SLC35F1: variants seen among roughly 807,000 people sequenced by gnomAD.
The protein encoded by SLC35F1 is chromosome 6 open reading frame 169.
SLC35F1 carries 14 observed loss-of-function variants against 48.7 expected under a neutral mutation model. The observed-to-expected ratio is 0.29, with a 90% confidence interval of 0.19 to 0.45. SLC35F1 has a LOEUF of 0.45. SLC35F1 is among the 20% of genes least tolerant of loss of function. The pLI, the probability that SLC35F1 is intolerant of heterozygous loss-of-function variation, is 1.00. For synonymous variants in SLC35F1, 190 were observed against 202.2 expected, an observed-to-expected ratio of 0.94 and a Z score of 0.51; for missense variants, 404 against 500.0, an observed-to-expected ratio of 0.81 and a Z score of 1.83.
intron 1 of SLC35F1, among the ~76,000 whole-genome samples, chr6:118,116,957 TTTA>T (rs1230568110): frequency 6.6e-6 from 1 of 152,338 alleles, no homozygotes; most frequent in Admixed American, 6.5e-5. Flanking sequence ...AACCCTTGGC[TTTA>T]TTATTTCTAG....
intron 7 of SLC35F1, among the ~76,000 whole-genome samples, chr6:118,311,422 T>A (rs1353723801): frequency 6.6e-6 from 1 of 152,204 alleles, no homozygotes. Flanking sequence ...TTAGTAGATG[T>A]CTACATGGTG....
At chr6:118,182,519 A>AGAAGGAAGGAAGGAAGGAGGGAAG (rs1774594573) in intron 2 of SLC35F1, among the ~76,000 whole-genome samples, 1 of 106,310 alleles carries the variant, frequency 9.4e-6, no homozygotes, top group Non-Finnish European at 1.9e-5. Flanking sequence ...AGAGAGAGAG[A>AGAAGGAAGGAAGGAAGGAGGGAAG]GAAGGAAGGA....
At chr6:118,260,701 T>C (rs1256985112) in intron 3 of SLC35F1, among the ~76,000 whole-genome samples, 4 of 152,198 alleles carry the variant, frequency 2.6e-5, no homozygotes, top group Non-Finnish European at 5.9e-5. Flanking sequence ...ACTCAAAACC[T>C]GGGATTTGGT....
chr6:118,204,760 A>G (rs1366386714), intron 2 of SLC35F1, among the ~76,000 whole-genome samples: 4 of 152,188 alleles, frequency 2.6e-5, no homozygotes, highest in Admixed American at 1.3e-4. Context: ...AAGAAACAGT[A>G]TTACCCACTC....
chr6:118,178,161 G>A (rs1774519842), intron 2 of SLC35F1, among the ~76,000 whole-genome samples: 1 of 151,998 alleles, frequency 6.6e-6, no homozygotes, highest in African/African-American at 2.4e-5. Context: ...CGCTGCACTA[G>A]ATATCCACAC....
chr6:118,239,232 C>A (rs184973783), intron 3 of SLC35F1, among the ~76,000 whole-genome samples: 1 of 148,282 alleles, frequency 6.7e-6, no homozygotes, highest in East Asian at 2.0e-4. Flanking sequence ...AGAGGAAACC[C>A]CAGCACATAC....
intron 1 of SLC35F1, among the ~76,000 whole-genome samples, chr6:117,964,796 A>G (rs1451370957): frequency 6.6e-6 from 1 of 152,230 alleles, no homozygotes; most frequent in Non-Finnish European, 1.5e-5. Context: ...CAGAAACCTA[A>G]TCACTGAGAC....
intron 1 of SLC35F1, among the ~76,000 whole-genome samples, chr6:117,960,626 A>G (rs1193174606): frequency 6.6e-5 from 10 of 152,156 alleles, no homozygotes; most frequent in African/African-American, 2.4e-4. Flanking sequence ...GGGAAAGAAA[A>G]GCGATTTATC....
At chr6:117,928,226 C>G (rs1582568248) in intron 1 of SLC35F1, among the ~76,000 whole-genome samples, 1 of 152,130 alleles carries the variant, frequency 6.6e-6, no homozygotes, top group Non-Finnish European at 1.5e-5. Flanking sequence ...GAATATAGAA[C>G]TGCCATTCAC....
At chr6:118,132,235 C>A (rs1295867531) in intron 1 of SLC35F1, among the ~76,000 whole-genome samples, 1 of 152,096 alleles carries the variant, frequency 6.6e-6, no homozygotes, top group Non-Finnish European at 1.5e-5. Flanking sequence ...ACAATGGAGA[C>A]TTAGTGAGGG....
intron 2 of SLC35F1, among the ~76,000 whole-genome samples, chr6:118,185,179 G>T (rs1582718120): frequency 6.6e-6 from 1 of 152,248 alleles, no homozygotes; most frequent in Middle Eastern, 3.4e-3. Flanking sequence ...CTTCCCCCTA[G>T]CTCTTCTGAG....
chr6:118,002,862 A>G (rs1777122458), intron 1 of SLC35F1, among the ~76,000 whole-genome samples: 1 of 152,042 alleles, frequency 6.6e-6, no homozygotes, highest in Non-Finnish European at 1.5e-5. Context: ...AAAAAAATTG[A>G]CAATCATTCA....
At chr6:117,924,585 C>T (rs1776004673) in intron 1 of SLC35F1, among the ~76,000 whole-genome samples, 2 of 137,180 alleles carry the variant, frequency 1.5e-5, no homozygotes, top group Non-Finnish European at 3.2e-5. Flanking sequence ...TTCTGTTAAC[C>T]TAGTTGGCTT....
chr6:118,221,974 A>AG lies in SLC35F1; in HGVS notation c.350-13534dup, dbSNP rs573511456. ...ACATATATGTATACAATTTTTTTAT[A>AG]GTTTTTTTGGGTCAGAATGCAAATA... is the stretch of plus-strand genomic sequence containing the variant. On this transcript the variant is annotated intron_variant, in intron 2 of 7. Transcript: ENST00000360388. Among the ~76,000 whole-genome samples the AG allele has an allele frequency of 3.5e-3, 68 of 19,250 alleles. No individual in the cohort carries two copies. The South Asian group carries it at 0.054, about 15-fold the overall frequency. The allele number at this position is 19,250 out of a possible 152,430, so 12.6% of individuals were successfully genotyped here. A position where few individuals can be genotyped will look rare whatever the true frequency, so the allele number is the denominator to read the frequency against.
At chr6:118,102,470 T>C (rs1490648609) in intron 1 of SLC35F1, among the ~76,000 whole-genome samples, 1 of 152,216 alleles carries the variant, frequency 6.6e-6, no homozygotes, top group Non-Finnish European at 1.5e-5. Flanking sequence ...CATAAGCCAC[T>C]GTGACTGGCC....
intron 2 of SLC35F1, among the ~76,000 whole-genome samples, chr6:118,213,509 C>G (rs1342941064): frequency 6.6e-6 from 1 of 152,134 alleles, no homozygotes; most frequent in African/African-American, 2.4e-5. Flanking sequence ...AAGTTTTACA[C>G]AGGCCCAGAG....
intron 7 of SLC35F1, 125 bp from the exon 8 acceptor site, chr6:118,313,903 T>G (rs1776399610): frequency 1.2e-6 from 1 of 811,292 alleles, no homozygotes; most frequent in Non-Finnish European, 2.0e-6. Flanking sequence ...ATCAACGGTG[T>G]TGGCCAACTC....
chr6:118,016,387 C>G (rs1777322608), intron 1 of SLC35F1, among the ~76,000 whole-genome samples: 1 of 152,038 alleles, frequency 6.6e-6, no homozygotes, highest in Non-Finnish European at 1.5e-5. Context: ...GAAAAACATC[C>G]CCCATGTAAC....
rs1483699617 is a variant in SLC35F1 at position 117,923,704 on chromosome 6, T to TATGTACAC, written c.173+15812_173+15813insCATGTACA. The stretch of plus-strand genomic sequence containing the variant: ...ATATATACATATGTACATATACATA[T>TATGTACAC]ATGTACATATATACATATATACATA... On this transcript the variant is annotated intron_variant, in intron 1 of 7. Transcript: ENST00000360388. Among the ~76,000 whole-genome samples the TATGTACAC allele has an allele frequency of 1.9e-4, 20 of 106,642 alleles. 2 individuals carry two copies. Among genetic ancestry groups the TATGTACAC allele is most frequent in the African/African-American group, 7.3e-4 (20 of 27,504 alleles). 70.0% of individuals were successfully genotyped at this position (106,642 alleles called of 152,430 possible).
Sources: gnomAD v4.1 joint callset for allele counts (sites outside exome capture counted in the v4.1 genomes callset) on GRCh38, gnomAD v4.1.1 for gene constraint, MANE v1.5 for transcripts, NCBI Gene and HGNC (gene_info 2026-07-23, HGNC 2026-07-21) for gene names.